The following LRP1B variants were observed in gnomAD, a reference collection of about 807,000 sequenced individuals.
LRP1B encodes the protein LDL receptor related protein 1B.
Under a neutral mutation model 556.6 loss-of-function variants are expected in LRP1B, and 217 were observed. The observed-to-expected ratio is 0.39, with a 90% CI of 0.35 to 0.44. The LOEUF is 0.44. Ranked by LOEUF, LRP1B falls within the 20% of genes least tolerant of loss-of-function variation. LRP1B has a pLI of 1.00. For missense variants in LRP1B, 5,053 were observed against 5,620.8 expected (o/e 0.90, Z 3.23); for synonymous variants, 2,047 against 1,865.8 (o/e 1.10, Z -2.50).
chr2:141,179,989 A>G (rs1187509895), intron 7 of LRP1B, among the ~76,000 whole-genome samples: 1 of 151,482 alleles, frequency 6.6e-6, no homozygotes, highest in African/African-American at 2.4e-5. Context: ...TATAAGCAGA[A>G]CAATGTCAAG....
At chr2:140,312,030 C>G (rs1455629088) in intron 83 of LRP1B, among the ~76,000 whole-genome samples, 1 of 151,796 alleles carries the variant, frequency 6.6e-6, no homozygotes, top group Non-Finnish European at 1.5e-5. Flanking sequence ...GACAGAAAAC[C>G]CTTGAATGAA....
intron 2 of LRP1B, among the ~76,000 whole-genome samples, chr2:141,602,381 A>G (rs1687779644): frequency 6.6e-6 from 1 of 152,212 alleles, no homozygotes; most frequent in Non-Finnish European, 1.5e-5. Flanking sequence ...TGTAATCCAC[A>G]TATAGTTAAT....
chr2:140,638,729 G>T (rs1181625007), intron 41 of LRP1B, among the ~76,000 whole-genome samples: 2 of 151,808 alleles, frequency 1.3e-5, no homozygotes, highest in African/African-American at 4.8e-5. Flanking sequence ...ATGGGTAAAT[G>T]ATTTTATATG....
chr2:141,968,027 TGTCA>T (rs904774099), intron 1 of LRP1B, among the ~76,000 whole-genome samples: 4 of 152,000 alleles, frequency 2.6e-5, no homozygotes, highest in African/African-American at 9.6e-5. Context: ...TTAATTACCC[TGTCA>T]GTCAGTGGAT....
chr2:141,500,662 A>G (rs1683681861), intron 2 of LRP1B, among the ~76,000 whole-genome samples: 1 of 152,174 alleles, frequency 6.6e-6, no homozygotes, highest in South Asian at 2.1e-4. Flanking sequence ...AAGTTTCACA[A>G]TGAAAGAGGG....
chr2:141,799,641 T>A (rs1038620999), intron 2 of LRP1B, among the ~76,000 whole-genome samples: 1 of 152,096 alleles, frequency 6.6e-6, no homozygotes, highest in African/African-American at 2.4e-5. Flanking sequence ...GCCTTATGGA[T>A]CCTCACTTCT....
chr2:140,924,988 G>T (rs1339894335), intron 20 of LRP1B, among the ~76,000 whole-genome samples: 1 of 151,876 alleles, frequency 6.6e-6, no homozygotes, highest in African/African-American at 2.4e-5. Flanking sequence ...AAGAAAACAA[G>T]AAATAGGAAT....
At chr2:140,953,881 G>C (rs951595842) in intron 18 of LRP1B, among the ~76,000 whole-genome samples, 2 of 152,060 alleles carry the variant, frequency 1.3e-5, no homozygotes, top group African/African-American at 4.8e-5. Flanking sequence ...TCCCCATCCA[G>C]CACTCTTTGT....
At chr2:141,741,925 G>T (rs2105544407) in intron 2 of LRP1B, among the ~76,000 whole-genome samples, 1 of 152,268 alleles carries the variant, frequency 6.6e-6, no homozygotes, top group African/African-American at 2.4e-5. Flanking sequence ...CATGGTTTGA[G>T]ATCTTAGATT....
At chr2:140,983,352 C>T (rs1179103226) in intron 17 of LRP1B, among the ~76,000 whole-genome samples, 2 of 151,922 alleles carry the variant, frequency 1.3e-5, no homozygotes, top group African/African-American at 2.4e-5. Flanking sequence ...TAATTGGGGT[C>T]GAAGTATCAG....
intron 2 of LRP1B, among the ~76,000 whole-genome samples, chr2:141,649,261 G>A (rs1281208397): frequency 6.6e-6 from 1 of 152,178 alleles, no homozygotes; most frequent in Non-Finnish European, 1.5e-5. Flanking sequence ...AGTATTCTGA[G>A]CGGGGGATTT....
intron 1 of LRP1B, among the ~76,000 whole-genome samples, chr2:141,887,715 A>C (rs1699169379): frequency 1.3e-5 from 2 of 152,200 alleles, no homozygotes; most frequent in Non-Finnish European, 2.9e-5. Flanking sequence ...CCTAGAGTTG[A>C]GTGATTTCAC....
At chr2:140,477,657 AT>A (rs1426202686) in intron 59 of LRP1B, among the ~76,000 whole-genome samples, 1 of 152,172 alleles carries the variant, frequency 6.6e-6, no homozygotes, top group Admixed American at 6.5e-5. Context: ...TATAATTGCA[AT>A]TTTAAATTTT....
rs540788873 is a variant in LRP1B, at chr2:140,615,484, C to T, written c.6800-13845G>A. On this transcript the variant is annotated intron_variant, in intron 41 of 90. Transcript: ENST00000389484. ...CTGCAATACCGCTATCTCAGTGAAT[C>T]GGCTCTATCTGTGCAGTGGGCAAGA... Among the ~76,000 whole-genome samples the T allele has an allele frequency of 6.6e-5, 10 of 152,192 alleles. No individual in the cohort carries two copies. The East Asian group carries it at 9.7e-4, about 15-fold the overall frequency.
chr2:141,113,459 C>A (rs1478440179), intron 7 of LRP1B, among the ~76,000 whole-genome samples: 2 of 152,132 alleles, frequency 1.3e-5, no homozygotes, highest in Non-Finnish European at 2.9e-5. Flanking sequence ...ACAATTGATT[C>A]ATTTGGTCCC....
At chr2:140,485,979 A>G (rs1397715459) in intron 58 of LRP1B, among the ~76,000 whole-genome samples, 1 of 151,966 alleles carries the variant, frequency 6.6e-6, no homozygotes, top group African/African-American at 2.4e-5. Context: ...AGTTAACTAC[A>G]AGGAGAGAAG....
At chr2:141,589,258 T>C (rs1311429356) in intron 2 of LRP1B, among the ~76,000 whole-genome samples, 1 of 130,184 alleles carries the variant, frequency 7.7e-6, no homozygotes, top group Non-Finnish European at 1.8e-5. Context: ...AGTTATGTAC[T>C]CTGTTTGTTT....
intron 3 of LRP1B, among the ~76,000 whole-genome samples, chr2:141,471,273 T>TG (rs1185402007): frequency 9.7e-5 from 11 of 113,834 alleles, no homozygotes; most frequent in East Asian, 2.7e-4. Flanking sequence ...CTGGTATTTT[T>TG]TTTTTTTTTT....
At position 140,700,548 on chromosome 2, in the gene LRP1B, A is replaced by G. The variant is rs1389635766; in HGVS notation, c.6501T>C (p.Thr2167=). 6 of 1,613,502 alleles carry G rather than the reference A, an allele frequency of 3.7e-6. No individual in the cohort carries two copies. Among genetic ancestry groups the G allele is most frequent in the Non-Finnish European group, 5.1e-6 (6 of 1,179,694 alleles). ...CCAAATATCCATGGGCACAAGCACA[A>G]GTTCTCCGGGAATTTCCTCGATAAA... is the stretch of plus-strand genomic sequence containing the variant. The part of the protein sequence containing the change: ...LCLYRGNSRR[T]CACAHGYLAE... The change falls in exon 41 of 91, where the codon ACT becomes ACC. Residue 2167 remains threonine (T), a synonymous_variant. Coordinates refer to ENST00000389484, the MANE Select transcript of LRP1B (RefSeq NM_018557.3).
Sources: allele counts gnomAD v4.1 joint callset (sites outside exome capture counted in the v4.1 genomes callset), GRCh38; gene constraint gnomAD v4.1.1; transcripts MANE v1.5; gene names NCBI Gene and HGNC (gene_info 2026-07-23, HGNC 2026-07-21).